The following GYPC variants were observed in gnomAD, a reference collection of about 807,000 sequenced individuals.
The protein encoded by GYPC is glycophorin C (Gerbich blood group), also known as glycophorin-C.
A neutral mutation model predicts 12.6 loss-of-function variants in GYPC; 14 were observed. That is an observed-to-expected ratio of 1.11 (90% confidence interval 0.74 to 1.74). The LOEUF (loss-of-function observed/expected upper bound fraction) is 1.74, where lower values mean the gene tolerates loss of function less well. Among genes scored for constraint, GYPC ranks in the 40% most tolerant of loss-of-function variants. The pLI is 0.00. For synonymous variants in GYPC, 78 were observed against 62.1 expected, an observed-to-expected ratio of 1.26 and a Z score of -1.20; for missense variants, 225 against 172.1, an observed-to-expected ratio of 1.31 and a Z score of -1.72.
chr2:126,691,880 G>T (rs1037901798), intron 2 of GYPC, among the ~76,000 whole-genome samples: 16 of 152,108 alleles, frequency 1.1e-4, no homozygotes, highest in African/African-American at 3.9e-4. Context: ...GCAGTTCTGG[G>T]TATTTGAGCT....
At position 126,695,978 on chromosome 2, in the gene GYPC, T is replaced by A; in HGVS notation, c.223T>A (p.Ser75Thr). The A allele has an allele frequency of 6.2e-7, 1 of 1,614,034 alleles. No homozygotes were observed. The highest frequency in any genetic ancestry group is 8.5e-7 in the Non-Finnish European group (1 of 1,179,990). ...TGCTGCTGTGGCCATCGTCCTAGTC[T>A]CCCTCCTCTTCGTCATGCTGCGCTA... ...VIAAVAIVLV[S>T]LLFVMLRYMY... is the part of the protein sequence containing the mutation. The change falls in exon 4 of 4, where the codon TCC (serine) becomes ACC (threonine). Residue 75 changes from serine to threonine, a missense_variant. Ser to Thr is a moderately conservative substitution (Grantham distance 58, BLOSUM62 1). Coordinates refer to ENST00000259254, the MANE Select transcript of GYPC (RefSeq NM_002101.5).
At chr2:126,692,094 A>G (rs1683485635) in intron 2 of GYPC, among the ~76,000 whole-genome samples, 1 of 152,130 alleles carries the variant, frequency 6.6e-6, no homozygotes, top group Non-Finnish European at 1.5e-5. Context: ...TGTTCACTCT[A>G]TATAATAAAG....
chr2:126,676,301 T>C (rs1682993487), intron 1 of GYPC, among the ~76,000 whole-genome samples: 1 of 152,234 alleles, frequency 6.6e-6, no homozygotes, highest in South Asian at 2.1e-4. Flanking sequence ...TTTGAAGTGC[T>C]AAGAACCCTG....
chr2:126,659,389 G>A (rs1227511884), intron 1 of GYPC, among the ~76,000 whole-genome samples: 6 of 152,202 alleles, frequency 3.9e-5, no homozygotes, highest in Non-Finnish European at 2.9e-5. Context: ...AGCAACATCC[G>A]TGCTGTGGAG....
Position 126,695,973 on chromosome 2 carries a change from T to G in GYPC, c.218T>G (p.Leu73Arg). 6.2e-7 allele frequency: 1 copy of G among 1,614,102 alleles called. No homozygotes were observed. Among genetic ancestry groups the G allele is most frequent in the Middle Eastern group, 1.7e-4 (1 of 6,050 alleles). The change falls in exon 4 of 4, where the codon CTA becomes CGA. Residue 73 changes from leucine to arginine, a missense_variant. Physicochemically the swap from Leu to Arg is moderately radical, Grantham distance 102. Transcript: ENST00000259254. Reference sequence around the variant, plus strand: ...GTGATTGCTGCTGTGGCCATCGTCCTAGTCTCCCTCCTCTTCGTCATGCTG... The same window carrying G: ...GTGATTGCTGCTGTGGCCATCGTCCGAGTCTCCCTCCTCTTCGTCATGCTG... ...AGVIAAVAIV[L>R]VSLLFVMLRY...
intron 1 of GYPC, chr2:126,686,092 A>C (rs1683281638): frequency 1.0e-6 from 1 of 985,184 alleles, no homozygotes; most frequent in African/African-American, 1.7e-5. Context: ...GGAAATGTAA[A>C]GACCAGCCCA....
At chr2:126,685,510 G>C (rs1351927003) in intron 1 of GYPC, among the ~76,000 whole-genome samples, 1 of 151,870 alleles carries the variant, frequency 6.6e-6, no homozygotes, top group Non-Finnish European at 1.5e-5. Context: ...TTAGCCTCCT[G>C]AGTAGCTGGG....
intron 1 of GYPC, among the ~76,000 whole-genome samples, chr2:126,671,423 C>T (rs1361688553): frequency 6.6e-6 from 1 of 152,256 alleles, no homozygotes; most frequent in Non-Finnish European, 1.5e-5. Context: ...TTATCACAGG[C>T]ACGAGCACAG....
chr2:126,686,080 C>T (rs1683281381), intron 1 of GYPC: 26 of 984,794 alleles, frequency 2.6e-5, no homozygotes, highest in African/African-American at 3.5e-5. Context: ...GGAGATGGGC[C>T]GGGAAATGTA....
chr2:126,669,308 G>C (rs1165381043), intron 1 of GYPC, among the ~76,000 whole-genome samples: 2 of 152,156 alleles, frequency 1.3e-5, no homozygotes, highest in Admixed American at 1.3e-4. Context: ...CCTGTGCTGC[G>C]AGTGGATGCT....
At chr2:126,686,974 CA>C (rs1325317721) in intron 1 of GYPC, among the ~76,000 whole-genome samples, 1 of 152,146 alleles carries the variant, frequency 6.6e-6, no homozygotes, top group African/African-American at 2.4e-5. Context: ...GGATGCAGAC[CA>C]ACCACCTACT....
intron 1 of GYPC, among the ~76,000 whole-genome samples, chr2:126,656,788 G>T (rs1284693086): frequency 1.3e-5 from 2 of 152,246 alleles, no homozygotes; most frequent in Admixed American, 6.5e-5. Flanking sequence ...GCTGGGCGCC[G>T]CAAAGGCACA....
intron 1 of GYPC, among the ~76,000 whole-genome samples, chr2:126,660,149 G>C (rs190900497): frequency 6.6e-6 from 1 of 152,346 alleles, no homozygotes; most frequent in East Asian, 1.9e-4. Context: ...GTGCCAGGCA[G>C]GGCCTGCTGC....
chr2:126,688,689 C>T (rs536332796), intron 1 of GYPC, among the ~76,000 whole-genome samples: 7 of 152,196 alleles, frequency 4.6e-5, no homozygotes, highest in African/African-American at 1.4e-4. Flanking sequence ...CCTTGGTGGC[C>T]CCAGACACCA....
At chr2:126,688,100 G>A (rs1382017747) in intron 1 of GYPC, among the ~76,000 whole-genome samples, 1 of 152,132 alleles carries the variant, frequency 6.6e-6, no homozygotes, top group Non-Finnish European at 1.5e-5. Context: ...AATGTTGCAA[G>A]GTCTGAGTTA....
At chr2:126,669,197 A>G (rs532198300) in intron 1 of GYPC, among the ~76,000 whole-genome samples, 53 of 152,192 alleles carry the variant, frequency 3.5e-4, no homozygotes, top group Non-Finnish European at 3.5e-4. Flanking sequence ...ATGAATTGGT[A>G]AAGACAAGTT....
At chr2:126,663,868 GT>G (rs748291198) in intron 1 of GYPC, among the ~76,000 whole-genome samples, 6 of 152,020 alleles carry the variant, frequency 3.9e-5, no homozygotes, top group Non-Finnish European at 7.4e-5. Flanking sequence ...ACCTTTCAAT[GT>G]CTTCTTTAGG....
chr2:126,685,799 ACT>A (rs1300664689), intron 1 of GYPC: 11 of 984,948 alleles, frequency 1.1e-5, no homozygotes, highest in Non-Finnish European at 1.3e-5. Flanking sequence ...CTGCTGCATC[ACT>A]GTCATCAACA....
At chr2:126,682,079 C>G (rs1218456823) in intron 1 of GYPC, among the ~76,000 whole-genome samples, 2 of 152,018 alleles carry the variant, frequency 1.3e-5, no homozygotes, top group East Asian at 3.9e-4. Context: ...TGCGCTCCAG[C>G]CACCTCCGGT....
Sources: allele counts gnomAD v4.1 joint callset (sites outside exome capture counted in the v4.1 genomes callset), GRCh38; gene constraint gnomAD v4.1.1; transcripts MANE v1.5; gene names NCBI Gene and HGNC (gene_info 2026-07-23, HGNC 2026-07-21).